The following RAB3IP variants were observed in gnomAD, a reference collection of about 807,000 sequenced individuals.
RAB3IP encodes RAB3A interacting protein.
In RAB3IP, 36 loss-of-function variants were observed where a neutral mutation model predicts 59.1. The observed-to-expected ratio is 0.61, with a 90% CI of 0.47 to 0.80. The LOEUF (loss-of-function observed/expected upper bound fraction) is 0.80. Among genes scored for constraint, RAB3IP ranks in the 30% least tolerant of loss-of-function variants. The probability of loss-of-function intolerance (pLI) is 0.00; values close to 1 mark genes in which losing one functional copy is unlikely to be tolerated. For missense variants in RAB3IP, 511 were observed against 536.0 expected, an observed-to-expected ratio of 0.95 and a Z score of 0.46; for synonymous variants, 207 against 191.2, an observed-to-expected ratio of 1.08 and a Z score of -0.68.
At chr12:69,778,468 T>A (rs990861791) in intron 3 of RAB3IP, among the ~76,000 whole-genome samples, 1 of 148,632 alleles carries the variant, frequency 6.7e-6, no homozygotes, top group African/African-American at 2.5e-5. Flanking sequence ...GGAACTGCGT[T>A]CCTTTGGAGG....
At chr12:69,767,222 A>G (rs1872353404) in intron 3 of RAB3IP, among the ~76,000 whole-genome samples, 1 of 151,680 alleles carries the variant, frequency 6.6e-6, no homozygotes, top group Admixed American at 6.6e-5. Flanking sequence ...AATTCTGGGT[A>G]GGATCTTTTG....
intron 1 of RAB3IP, among the ~76,000 whole-genome samples, chr12:69,750,682 A>G (rs1365357083): frequency 1.3e-5 from 2 of 150,302 alleles, no homozygotes; most frequent in Non-Finnish European, 3.0e-5. Context: ...TGTATTTACT[A>G]TAAACTGATG....
chr12:69,781,294 C>T (rs1208046344), intron 3 of RAB3IP, among the ~76,000 whole-genome samples: 1 of 152,100 alleles, frequency 6.6e-6, no homozygotes, highest in Non-Finnish European at 1.5e-5. Flanking sequence ...CTTGCTGTCT[C>T]CACACACGCA....
chr12:69,779,948 A>C (rs898063380), intron 3 of RAB3IP, among the ~76,000 whole-genome samples: 4 of 152,198 alleles, frequency 2.6e-5, no homozygotes, highest in African/African-American at 4.8e-5. Context: ...TATTTATTCA[A>C]GTCTTTGCAG....
Position 69,815,463 on chromosome 12 carries a change from A to G in RAB3IP, c.*17A>G, listed in dbSNP as rs1379485319. On this transcript the variant is annotated 3_prime_UTR_variant, in exon 11 of 11. Coordinates refer to ENST00000247833, the MANE Select transcript of RAB3IP (RefSeq NM_022456.5). ...GAACTCTGATGCTCTGCGTGGGACCATGCCTGAACTCCCCGAATAACTGAA... is the reference window on the plus strand; with the variant it reads ...GAACTCTGATGCTCTGCGTGGGACCGTGCCTGAACTCCCCGAATAACTGAA... 3 of 1,528,186 alleles carry G rather than the reference A, an allele frequency of 2.0e-6. No individual in the cohort carries two copies. Among genetic ancestry groups the G allele is most frequent in the Admixed American group, 1.7e-5 (1 of 57,826 alleles). The allele number at this position is 1,528,186 out of a possible 1,614,324, so 94.7% of individuals were successfully genotyped here. A position where few individuals can be genotyped will look rare whatever the true frequency, so the allele number is the denominator to read the frequency against.
intron 3 of RAB3IP, among the ~76,000 whole-genome samples, chr12:69,779,413 TC>T (rs1382492257): frequency 6.6e-6 from 1 of 152,116 alleles, no homozygotes; most frequent in Non-Finnish European, 1.5e-5. Flanking sequence ...CCGGAGCTGT[TC>T]CTATTCGGCC....
intron 3 of RAB3IP, among the ~76,000 whole-genome samples, chr12:69,759,205 T>G (rs11177833): frequency 0.83 from 107,677 of 129,464 alleles, 44,525 homozygotes; most frequent in Middle Eastern, 0.92. Flanking sequence ...GCGTGCTGCC[T>G]TCAAGCATCT....
intron 3 of RAB3IP, among the ~76,000 whole-genome samples, chr12:69,768,988 C>T (rs1401481075): frequency 3.9e-5 from 6 of 152,042 alleles, no homozygotes; most frequent in African/African-American, 1.5e-4. Flanking sequence ...GTAATTGAAT[C>T]ATGGGGTCAG....
chr12:69,744,806 G>A (rs1268062591), intron 1 of RAB3IP, among the ~76,000 whole-genome samples: 1 of 151,968 alleles, frequency 6.6e-6, no homozygotes, highest in East Asian at 1.9e-4. Flanking sequence ...TTTGCCCTTG[G>A]GCTATTAATT....
chr12:69,804,155 C>T (rs1278332602), intron 8 of RAB3IP, among the ~76,000 whole-genome samples: 1 of 152,180 alleles, frequency 6.6e-6, no homozygotes, highest in African/African-American at 2.4e-5. Context: ...TCCTCTCCAG[C>T]ACCTGTTGTT....
intron 3 of RAB3IP, among the ~76,000 whole-genome samples, chr12:69,761,008 T>A (rs935973640): frequency 1.3e-5 from 2 of 152,202 alleles, no homozygotes; most frequent in African/African-American, 4.8e-5. Flanking sequence ...CTCTCTCTCC[T>A]TTCCTCTGGA....
At chr12:69,757,431 G>A (rs1870407550) in intron 3 of RAB3IP, among the ~76,000 whole-genome samples, 1 of 152,150 alleles carries the variant, frequency 6.6e-6, no homozygotes, top group African/African-American at 2.4e-5. Context: ...TAATAAAATT[G>A]CAAACCTCTA....
In RAB3IP at chr12:69,800,297, A is replaced by G; in HGVS notation, c.977A>G (p.Gln326Arg). 6.3e-7 allele frequency: 1 copy of G among 1,594,768 alleles called. No individual in the cohort carries two copies. Among genetic ancestry groups the G allele is most frequent in the South Asian group, 1.1e-5 (1 of 88,018 alleles). The stretch of plus-strand genomic sequence containing the variant: ...TGTCCTTTCTTAGACAAAATCTACC[A>G]GGAAGATATCTTTCCATGTTTAACA... ...RTCPFLDKIYQEDIFPCLTFS... is the reference protein window; with the variant it reads ...RTCPFLDKIYREDIFPCLTFS... The change falls in exon 7 of 11, where the codon CAG (glutamine) becomes CGG (arginine). Residue 326 changes from glutamine (Q) to arginine (R), a missense_variant. By Grantham distance (43) the Gln-to-Arg change is conservative. Transcript: ENST00000247833.
intron 1 of RAB3IP, among the ~76,000 whole-genome samples, chr12:69,749,330 GT>G (rs1231339118): frequency 1.3e-5 from 2 of 152,244 alleles, no homozygotes; most frequent in Admixed American, 6.5e-5. Flanking sequence ...AGGTGGAACA[GT>G]TTCATCCCGA....
rs898442175 is a variant in RAB3IP, at chr12:69,818,124, T to TA, written c.*2679dup. ...ATCACTCACATATTGCTGATGGGGGTATCAATTGGTATATCCACTGTGAAA... is the reference window on the plus strand; with the variant it reads ...ATCACTCACATATTGCTGATGGGGGTAATCAATTGGTATATCCACTGTGAAA... On this transcript the variant is annotated 3_prime_UTR_variant, in exon 11 of 11. Transcript: ENST00000247833. 1.3e-5 allele frequency: 2 copies of TA among 152,022 alleles called. No homozygotes were observed. Among genetic ancestry groups the TA allele is most frequent in the African/African-American group, 4.8e-5 (2 of 41,374 alleles). 9.4% of individuals were successfully genotyped at this position (152,022 alleles called of 1,614,324 possible). A position where few individuals can be genotyped will look rare whatever the true frequency, so the allele number is the denominator to read the frequency against.
intron 6 of RAB3IP, among the ~76,000 whole-genome samples, chr12:69,796,939 A>G (rs1877519406): frequency 6.6e-6 from 1 of 152,238 alleles, no homozygotes; most frequent in Non-Finnish European, 1.5e-5. Flanking sequence ...AAATGTGCAT[A>G]GGCAGCATAT....
intron 3 of RAB3IP, among the ~76,000 whole-genome samples, chr12:69,781,071 A>G (rs1592539419): frequency 6.6e-6 from 1 of 152,150 alleles, no homozygotes; most frequent in Non-Finnish European, 1.5e-5. Flanking sequence ...TTTCCAAGTA[A>G]TACTTAAGAA....
intron 3 of RAB3IP, among the ~76,000 whole-genome samples, chr12:69,766,437 C>T (rs1370810039): frequency 1.3e-5 from 2 of 151,846 alleles, no homozygotes; most frequent in Non-Finnish European, 2.9e-5. Flanking sequence ...CTGTTCGGTC[C>T]CATCTGTTGC....
At chr12:69,813,373 A>G (rs971387809) in intron 10 of RAB3IP, among the ~76,000 whole-genome samples, 1 of 152,188 alleles carries the variant, frequency 6.6e-6, no homozygotes, top group Non-Finnish European at 1.5e-5. Flanking sequence ...TTAAGAGATG[A>G]AAATGAGTAG....
Sources: allele counts gnomAD v4.1 joint callset (sites outside exome capture counted in the v4.1 genomes callset), GRCh38; gene constraint gnomAD v4.1.1; transcripts MANE v1.5; gene names NCBI Gene and HGNC (gene_info 2026-07-23, HGNC 2026-07-21).